HNRNPL: variants seen among roughly 807,000 people sequenced by gnomAD.
The protein encoded by HNRNPL is heterogeneous nuclear ribonucleoprotein L.
In HNRNPL, 12 loss-of-function variants were observed where a neutral mutation model predicts 64.0. That is an observed-to-expected ratio of 0.19 (90% CI 0.12 to 0.30). The LOEUF is 0.30. Among genes scored for constraint, HNRNPL ranks in the 10% least tolerant of loss-of-function variants. The pLI, the probability that HNRNPL is intolerant of heterozygous loss-of-function variation, is 1.00. For missense variants in HNRNPL, 484 were observed against 797.4 expected, an observed-to-expected ratio of 0.61 and a Z score of 4.73; for synonymous variants, 385 against 313.0, an observed-to-expected ratio of 1.23 and a Z score of -2.43.
chr19:38,850,018 C>T (rs987525385), upstream of HNRNPL: 29 of 1,301,192 alleles, frequency 2.2e-5, no homozygotes, highest in Non-Finnish European at 2.8e-5. Context: ...GGGACACGCC[C>T]GTCACCCGCC....
At chr19:38,847,971 C>T (rs796673045) in intron 1 of HNRNPL, among the ~76,000 whole-genome samples, 5 of 152,320 alleles carry the variant, frequency 3.3e-5, no homozygotes, top group African/African-American at 9.6e-5. Context: ...ACAACACATG[C>T]CCCAGAAACT....
chr19:38,852,025 G>A (rs1159892605), upstream of HNRNPL, among the ~76,000 whole-genome samples: 1 of 151,838 alleles, frequency 6.6e-6, no homozygotes, highest in East Asian at 2.0e-4. Flanking sequence ...TGCGGTGGGG[G>A]GAGGGGGAGA....
At chr19:38,836,870 C>T (rs1971945718) in intron 12 of HNRNPL, 90 bp from the exon 13 acceptor site, 2 of 941,916 alleles carry the variant, frequency 2.1e-6, no homozygotes, top group Non-Finnish European at 3.4e-6. Flanking sequence ...CTCCCATTTT[C>T]TGCAGGTCAA....
intron 2 of HNRNPL, among the ~76,000 whole-genome samples, chr19:38,846,473 G>A (rs1365689093): frequency 6.6e-6 from 1 of 152,174 alleles, no homozygotes; most frequent in Non-Finnish European, 1.5e-5. Context: ...ACTACTTGCT[G>A]AATGAAAGAA....
intron 10 of HNRNPL, 113 bp from the exon 11 acceptor site, chr19:38,837,764 C>CT (rs1447417944): frequency 2.4e-5 from 21 of 872,062 alleles, no homozygotes; most frequent in African/African-American, 2.4e-4. Flanking sequence ...GGAGAAAAGG[C>CT]TTGTAGATTT....
chr19:38,841,824 A>G, intron 6 of HNRNPL: 1 of 405,274 alleles, frequency 2.5e-6, no homozygotes, highest in South Asian at 1.8e-5. Flanking sequence ...AGATATCAGA[A>G]AAGTGGAAAT....
At chr19:38,841,722 G>A in intron 6 of HNRNPL, 1 of 852,072 alleles carries the variant, frequency 1.2e-6, no homozygotes, top group South Asian at 1.4e-5. Context: ...ACAAGTCACG[G>A]TACACATCCG....
chr19:38,850,689 C>G (rs1021888649), upstream of HNRNPL, among the ~76,000 whole-genome samples: 1 of 152,216 alleles, frequency 6.6e-6, no homozygotes, highest in Admixed American at 6.5e-5. Context: ...AAGGCTAGAC[C>G]AAGATTGACA....
At chr19:38,851,613 T>C (rs1291525080), upstream of HNRNPL, among the ~76,000 whole-genome samples, 1 of 152,106 alleles carries the variant, frequency 6.6e-6, no homozygotes, top group African/African-American at 2.4e-5. Context: ...AAGTTTGAAA[T>C]GGAGGCCGTG....
At chr19:38,837,059 T>C (rs1600042928) in intron 12 of HNRNPL, 2 of 542,784 alleles carry the variant, frequency 3.7e-6, no homozygotes, top group African/African-American at 1.9e-5. Flanking sequence ...TTTTACCTGC[T>C]GGATAGTGTT....
In HNRNPL at chr19:38,845,733, A is replaced by T; in HGVS notation, c.627T>A (p.Asp209Glu). ...AAGGATTACAGATAGTGTAAAGAAC[A>T]TCCTGCAAAAGCAAACACAGGCAAG... ...ILNPIYSITT[D>E]VLYTICNPCG... Residue 209 changes from aspartate to glutamate, a missense_variant and splice_region_variant, in exon 4 of 13, where the codon GAT becomes GAA. By Grantham distance (45) the Asp-to-Glu change is conservative. Transcript: ENST00000221419. 6.2e-7 allele frequency: 1 copy of T among 1,613,860 alleles called. No homozygotes were observed. Among genetic ancestry groups the T allele is most frequent in the South Asian group, 1.1e-5 (1 of 91,074 alleles).
Position 38,849,864 on chromosome 19 carries a change from T to C in HNRNPL, c.103A>G (p.Met35Val). The C allele has an allele frequency of 1.6e-6, 2 of 1,218,282 alleles. No homozygotes were observed. Among genetic ancestry groups the C allele is most frequent in the Non-Finnish European group, 2.3e-6 (2 of 860,406 alleles). The allele number at this position is 1,218,282 out of a possible 1,614,324, so 75.5% of individuals were successfully genotyped here. A position where few individuals can be genotyped will look rare whatever the true frequency, so the allele number is the denominator to read the frequency against. ...CCGCCTCCGCCGCCCGCCGCCGCCA[T>C]CTTCACCATCGCTCCCGACCGCCTC... The part of the protein sequence containing the change: ...QRRRSGAMVK[M>V]AAAGGGGGGG... The change falls in exon 1 of 13, where the codon ATG (methionine) becomes GTG (valine). Residue 35 changes from methionine (M) to valine (V), a missense_variant. This residue lies in a region of HNRNPL where 190 missense variants were observed against 160.1 expected (regional missense o/e 1.19). Transcript: ENST00000221419.
chr19:38,841,993 T>C (rs777311913), intron 6 of HNRNPL: 5 of 276,948 alleles, frequency 1.8e-5, no homozygotes, highest in Non-Finnish European at 3.6e-5. Context: ...CTTTTGGCCT[T>C]GGGAGCGCGC....
intron 2 of HNRNPL, among the ~76,000 whole-genome samples, 159 bp downstream of exon 2, chr19:38,847,157 T>C (rs1044930553): frequency 2.6e-5 from 4 of 152,192 alleles, no homozygotes; most frequent in Non-Finnish European, 5.9e-5. Flanking sequence ...CTTGCTGTAA[T>C]CTGACACAAA....
intron 9 of HNRNPL, 44 bp from the exon 10 acceptor site, chr19:38,838,642 G>C: frequency 6.3e-7 from 1 of 1,578,434 alleles, no homozygotes; most frequent in Non-Finnish European, 8.7e-7. Flanking sequence ...ACCCAAAGTT[G>C]TCCCTGAAGC....
Position 38,844,124 on chromosome 19 carries a change from G to A in HNRNPL, c.711-20C>T. On this transcript the variant is annotated intron_variant, in intron 4 of 12. Transcript: ENST00000221419. ...TCAAATGTGAGTCAAGTTAAGGAAA[G>A]TCCCATCACAGGAGATCTTTGAGAA... is the stretch of plus-strand genomic sequence containing the variant. 2 of 1,539,290 alleles carry A rather than the reference G, an allele frequency of 1.3e-6. No individual in the cohort carries two copies. The highest frequency in any genetic ancestry group is 1.7e-4 in the Middle Eastern group (1 of 5,922).
intron 4 of HNRNPL, 89 bp from the exon 5 acceptor site, chr19:38,844,193 C>A: frequency 7.4e-6 from 6 of 809,382 alleles, no homozygotes; most frequent in Non-Finnish European, 1.3e-5. Flanking sequence ...AAGGTAGCAC[C>A]CCAAGACTGT....
At position 38,849,739 on chromosome 19, in the gene HNRNPL, G is replaced by T; in HGVS notation, c.228C>A (p.Gly76=). 1 of 1,380,882 alleles carries T rather than the reference G, an allele frequency of 7.2e-7. No homozygotes were observed. The highest frequency in any genetic ancestry group is 3.3e-5 in the Admixed American group (1 of 30,710). The allele number at this position is 1,380,882 out of a possible 1,614,324, so 85.5% of individuals were successfully genotyped here. A position where few individuals can be genotyped will look rare whatever the true frequency, so the allele number is the denominator to read the frequency against. ...AGDQHGGGGG[G]GGGAGAAGGG... Reference sequence around the variant, plus strand: ...CGCCCGCCGCCCCGGCTCCTCCACCGCCACCGCCGCCGCCTCCGTGCTGGT... The same window carrying T: ...CGCCCGCCGCCCCGGCTCCTCCACCTCCACCGCCGCCGCCTCCGTGCTGGT... The change falls in exon 1 of 13, where the codon GGC becomes GGA. Residue 76 remains glycine (G), a synonymous_variant. Coordinates refer to ENST00000221419, the MANE Select transcript of HNRNPL (RefSeq NM_001533.3).
Position 38,840,276 on chromosome 19 carries a change from A to AC in HNRNPL, c.1052dup (p.His352SerfsTer42), listed in dbSNP as rs34632684. 6.4e-7 allele frequency: 1 copy of AC among 1,571,096 alleles called. No individual in the cohort carries two copies. The highest frequency in any genetic ancestry group is 8.6e-7 in the Non-Finnish European group (1 of 1,159,862). ...CGTAGCGACTTGGGCCCCGACGGTGACCCCCCACTGGTGGACCCATCCTTC... is the reference window on the plus strand; with the variant it reads ...CGTAGCGACTTGGGCCCCGACGGTGACCCCCCCACTGGTGGACCCATCCTTC... On this transcript the variant is annotated frameshift_variant, in exon 8 of 13. Coordinates refer to ENST00000221419, the MANE Select transcript of HNRNPL (RefSeq NM_001533.3). LOFTEE classifies it high-confidence loss of function.
Sources: allele counts gnomAD v4.1 joint callset (sites outside exome capture counted in the v4.1 genomes callset), GRCh38; gene constraint gnomAD v4.1.1; regional missense constraint gnomAD v4.1.1; transcripts MANE v1.5; gene names NCBI Gene and HGNC (gene_info 2026-07-23, HGNC 2026-07-21).